Variants in CELF2 observed in about 807,000 individuals in gnomAD.
CELF2 encodes the protein CUG triplet repeat RNA-binding protein 2.
A neutral mutation model predicts 62.6 loss-of-function variants in CELF2; 8 were observed. The ratio of observed to expected loss-of-function variants is 0.13; its 90% CI spans 0.07 to 0.23. The LOEUF is 0.23. CELF2 is among the 10% of genes least tolerant of loss of function. The pLI is 1.00. For synonymous variants in CELF2, 258 were observed against 250.0 expected (o/e 1.03, Z -0.30); for missense variants, 333 against 671.0 (o/e 0.50, Z 5.56).
the CELF2 span, among the ~76,000 whole-genome samples, chr10:10,751,741 G>GA: frequency 5.3e-5 from 8 of 151,782 alleles, no homozygotes; most frequent in East Asian, 7.7e-4. Flanking sequence ...ACTGCTTTGG[G>GA]AAAAAAAATA....
At chr10:11,141,593 C>A (rs1183587565) in intron 1 of CELF2, among the ~76,000 whole-genome samples, 2 of 152,324 alleles carry the variant, frequency 1.3e-5, no homozygotes, top group East Asian at 3.9e-4. Context: ...CTAGACTAGA[C>A]AACCTGGGGT....
chr10:11,288,321 C>G (rs534048603), intron 8 of CELF2, 97 bp from the exon 9 acceptor site: 1 of 1,497,866 alleles, frequency 6.7e-7, no homozygotes, highest in Non-Finnish European at 9.1e-7. Flanking sequence ...CGTCTGCTCT[C>G]ATCATGTGTC....
At chr10:10,900,239 A>G (rs755250074) in intron 1 of CELF2, among the ~76,000 whole-genome samples, 2 of 152,254 alleles carry the variant, frequency 1.3e-5, no homozygotes, top group Non-Finnish European at 2.9e-5. Context: ...TGAGACAAGC[A>G]TCACCCTGTT....
At chr10:10,613,966 A>C in the CELF2 span, among the ~76,000 whole-genome samples, 1 of 152,120 alleles carries the variant, frequency 6.6e-6, no homozygotes, top group Non-Finnish European at 1.5e-5. Flanking sequence ...TATTGCCCTC[A>C]ATGTCTATAA....
chr10:10,963,519 A>C lies in CELF2; in HGVS notation c.89+43520A>C, dbSNP rs73579407. 8.6e-3 allele frequency among the ~76,000 whole-genome samples: 1,304 copies of C among 152,312 alleles called. 22 individuals carry two copies. Among genetic ancestry groups the C allele is most frequent in the African/African-American group, 0.029 (1,214 of 41,568 alleles). ...AGAAGTGCATGTACAAACAATCCAC[A>C]TGCTCAAAACTAGAGAAATGCATGT... On this transcript the variant is annotated intron_variant, in intron 2 of 13. Coordinates refer to the CELF2 transcript ENST00000636488.
chr10:11,164,987 CTT>C (rs2066626170), intron 1 of CELF2: 1 of 831,984 alleles, frequency 1.2e-6, no homozygotes, highest in Non-Finnish European at 1.4e-6. Context: ...TTCCATGTGA[CTT>C]TATTATTACC....
At chr10:10,843,662 T>C (rs2058828069) in intron 1 of CELF2, among the ~76,000 whole-genome samples, 1 of 152,086 alleles carries the variant, frequency 6.6e-6, no homozygotes. Flanking sequence ...TGAAGTATTC[T>C]ATATATTCAG....
chr10:10,577,276 A>G, the CELF2 span, among the ~76,000 whole-genome samples: 1 of 152,078 alleles, frequency 6.6e-6, no homozygotes, highest in African/African-American at 2.4e-5. Context: ...TTGATAAATC[A>G]CTTGATCACC....
the CELF2 span, among the ~76,000 whole-genome samples, chr10:10,762,145 A>G: frequency 5.9e-5 from 9 of 152,254 alleles, no homozygotes; most frequent in Non-Finnish European, 1.0e-4. Flanking sequence ...CTGAGCCCTT[A>G]TGCTTTCCAA....
the CELF2 span, among the ~76,000 whole-genome samples, chr10:10,567,510 C>A: frequency 6.6e-6 from 1 of 152,088 alleles, no homozygotes. Context: ...GGAAAATAAG[C>A]CAAGCTTTTA....
chr10:10,765,203 A>G, the CELF2 span, among the ~76,000 whole-genome samples: 1 of 152,136 alleles, frequency 6.6e-6, no homozygotes, highest in Non-Finnish European at 1.5e-5. Context: ...CCCATTTTTC[A>G]CTTTGTGGAA....
chr10:10,525,350 C>T, the CELF2 span, among the ~76,000 whole-genome samples: 5 of 152,094 alleles, frequency 3.3e-5, no homozygotes, highest in East Asian at 9.6e-4. Context: ...TGTCTTAAAA[C>T]CTGATGAGAT....
chr10:10,556,318 T>A, the CELF2 span, among the ~76,000 whole-genome samples: 2 of 152,026 alleles, frequency 1.3e-5, no homozygotes, highest in East Asian at 1.9e-4. Context: ...TTACTGAGAA[T>A]GATGATTTCC....
Position 11,011,939 on chromosome 10 carries a change from T to C in CELF2, c.53+6499T>C, listed in dbSNP as rs919619665. Among the ~76,000 whole-genome samples the C allele has an allele frequency of 6.6e-6, 1 of 152,222 alleles. No homozygotes were observed. The highest frequency in any genetic ancestry group is 6.5e-5 in the Admixed American group (1 of 15,286). ...AACCTTAATGTATTTTCAACCTACA[T>C]GTCACTTTAATAGCTTGGTTATATA... On this transcript the variant is annotated intron_variant, in intron 1 of 12. Coordinates refer to the CELF2 transcript ENST00000416382. This position sits in a 1 kb window ranked among gnomAD's most constrained non-coding sequence, Gnocchi z 4.6.
chr10:11,315,710 T>G lies in CELF2; in HGVS notation c.1096+1452T>G, dbSNP rs2094916321. ...AGTGGTAGCTGTGCCGCGGCCTCAT[T>G]GTTTTATTCCAGTTAGAACCGCCTC... On this transcript the variant is annotated intron_variant, in intron 10 of 12. Transcript: ENST00000633077. This position sits in a 1 kb window ranked among gnomAD's most constrained non-coding sequence, Gnocchi z 5.8. Among the ~76,000 whole-genome samples, 1 of 152,178 alleles carries G rather than the reference T, an allele frequency of 6.6e-6. No homozygotes were observed.
At chr10:10,573,633 G>A in the CELF2 span, among the ~76,000 whole-genome samples, 1 of 151,958 alleles carries the variant, frequency 6.6e-6, no homozygotes, top group East Asian at 1.9e-4. Context: ...TGTTTTTATT[G>A]ATTACAAATA....
intron 2 of CELF2, chr10:10,922,669 G>A (rs768826832): frequency 1.3e-5 from 2 of 152,138 alleles, no homozygotes; most frequent in African/African-American, 4.8e-5. Flanking sequence ...GTGGTATTTC[G>A]GTAATAAGCC....
the CELF2 span, chr10:10,792,469 C>T: frequency 1.3e-5 from 5 of 398,398 alleles, no homozygotes; most frequent in South Asian, 5.1e-4. Context: ...AACTTGGCAA[C>T]TGTATTCGGC....
chr10:10,677,659 G>C, the CELF2 span, among the ~76,000 whole-genome samples: 1 of 152,150 alleles, frequency 6.6e-6, no homozygotes, highest in South Asian at 2.1e-4. Context: ...AACCGCATGC[G>C]GTAGTGCCAC....
Sources: gnomAD v4.1 joint callset for allele counts (sites outside exome capture counted in the v4.1 genomes callset) on GRCh38, gnomAD v4.1.1 for gene constraint, Gnocchi (gnomAD v3.1) non-coding constraint, MANE v1.5 for transcripts, NCBI Gene and HGNC (gene_info 2026-07-23, HGNC 2026-07-21) for gene names.